Variants in RAP1GDS1 observed in about 807,000 individuals in gnomAD.
RAP1GDS1 encodes Rap1 GTPase-GDP dissociation stimulator 1, also known as RAP1, GTP-GDP dissociation stimulator 1.
RAP1GDS1 carries 35 observed loss-of-function variants against 71.1 expected under a neutral mutation model. The observed-to-expected ratio is 0.49, with a 90% CI of 0.38 to 0.65. The LOEUF (loss-of-function observed/expected upper bound fraction) is 0.65, where lower values mean the gene tolerates loss of function less well. Ranked by LOEUF, RAP1GDS1 falls within the 30% of genes least tolerant of loss-of-function variation. RAP1GDS1 has a pLI of 0.00. For missense variants in RAP1GDS1, 663 were observed against 706.1 expected, an observed-to-expected ratio of 0.94 and a Z score of 0.69; for synonymous variants, 229 against 243.1, an observed-to-expected ratio of 0.94 and a Z score of 0.54.
At chr4:98,379,267 C>A (rs889527036) in intron 5 of RAP1GDS1, 104 bp downstream of exon 5, 3 of 1,110,198 alleles carry the variant, frequency 2.7e-6, no homozygotes, top group Non-Finnish European at 3.6e-6. Context: ...ACAAAGAATT[C>A]GTAAGTGGCA....
At position 98,414,292 on chromosome 4, in the gene RAP1GDS1, T is replaced by C. The variant is rs1166810855; in HGVS notation, c.764-2453T>C. Among the ~76,000 whole-genome samples the C allele has an allele frequency of 6.3e-5, 9 of 143,282 alleles. No individual in the cohort carries two copies. The South Asian group carries it at 1.4e-3, about 22-fold the overall frequency. 94.0% of individuals were successfully genotyped at this position (143,282 alleles called of 152,430 possible). ...GTTTTGGACATGAAGTCCTTGCCCA[T>C]GCCTATGTCCTGAATGGTAATGCCT... On this transcript the variant is annotated intron_variant, in intron 7 of 14. Coordinates refer to ENST00000408927, the MANE Select transcript of RAP1GDS1 (RefSeq NM_001100427.2).
rs574297768 is a variant in RAP1GDS1, at chr4:98,271,275, T to A, written c.4+9706T>A. On this transcript the variant is annotated intron_variant, in intron 1 of 14. Transcript: ENST00000408927. Reference sequence around the variant, plus strand: ...TTTGTATTTAGCAGATTAGTAGACATCTCTACTAATTAAACTCATTGAGTT... The same window carrying A: ...TTTGTATTTAGCAGATTAGTAGACAACTCTACTAATTAAACTCATTGAGTT... 8.5e-5 allele frequency among the ~76,000 whole-genome samples: 13 copies of A among 152,300 alleles called. No individual in the cohort carries two copies. In the South Asian group the frequency reaches 2.7e-3, roughly 32 times the overall value.
At chr4:98,415,505 AG>A (rs1747820046) in intron 7 of RAP1GDS1, among the ~76,000 whole-genome samples, 1 of 152,222 alleles carries the variant, frequency 6.6e-6, no homozygotes, top group Admixed American at 6.5e-5. Context: ...CCACGGTGCC[AG>A]CCAGTCCCAC....
intron 6 of RAP1GDS1, among the ~76,000 whole-genome samples, chr4:98,399,004 A>G (rs139306973): frequency 8.5e-5 from 13 of 152,298 alleles, no homozygotes; most frequent in African/African-American, 3.1e-4. Flanking sequence ...ATTCAAAGCA[A>G]TCTGCAGATT....
intron 2 of RAP1GDS1, among the ~76,000 whole-genome samples, chr4:98,308,538 G>A (rs1190998945): frequency 2.6e-5 from 4 of 151,402 alleles, no homozygotes; most frequent in Admixed American, 6.6e-5. Flanking sequence ...ATTTTTTGCC[G>A]AATTAATGTG....
chr4:98,418,801 A>G lies in RAP1GDS1; in HGVS notation c.1174+10A>G, dbSNP rs1036144121. On this transcript the variant is annotated intron_variant, in intron 10 of 14. Coordinates refer to ENST00000408927, the MANE Select transcript of RAP1GDS1 (RefSeq NM_001100427.2). The stretch of plus-strand genomic sequence containing the variant: ...AACCTGGCCATTCCAGGTAAGACTT[A>G]AGAATAGAAGGCAGCTGTGTACAAA... 3 of 1,581,740 alleles carry G rather than the reference A, an allele frequency of 1.9e-6. No individual in the cohort carries two copies. The highest frequency in any genetic ancestry group is 1.9e-5 in the Admixed American group (1 of 52,874).
chr4:98,414,683 T>A (rs1747648005), intron 7 of RAP1GDS1, among the ~76,000 whole-genome samples: 2 of 151,350 alleles, frequency 1.3e-5, no homozygotes, highest in South Asian at 4.2e-4. Context: ...GGCTTAGGAT[T>A]GACTTGGCGA....
intron 6 of RAP1GDS1, among the ~76,000 whole-genome samples, chr4:98,401,157 C>T (rs1242025695): frequency 6.6e-6 from 1 of 152,172 alleles, no homozygotes; most frequent in Non-Finnish European, 1.5e-5. Flanking sequence ...GGTCAAAAAA[C>T]TGGTGGGATG....
intron 4 of RAP1GDS1, among the ~76,000 whole-genome samples, chr4:98,354,651 T>G (rs1179445120): frequency 6.6e-6 from 1 of 152,192 alleles, no homozygotes; most frequent in Non-Finnish European, 1.5e-5. Context: ...ATTTATCATA[T>G]CTATTTATCT....
At chr4:98,333,243 G>A (rs562827012) in intron 2 of RAP1GDS1, among the ~76,000 whole-genome samples, 11 of 151,850 alleles carry the variant, frequency 7.2e-5, no homozygotes, top group Non-Finnish European at 1.2e-4. Context: ...TCTCAATAGC[G>A]AATACATTTT....
At chr4:98,267,050 A>G (rs897633820) in intron 1 of RAP1GDS1, among the ~76,000 whole-genome samples, 14 of 152,208 alleles carry the variant, frequency 9.2e-5, no homozygotes, top group African/African-American at 3.1e-4. Context: ...GTAATTTTAG[A>G]TAGCCAAATG....
In RAP1GDS1 at chr4:98,417,356, T is replaced by C; in HGVS notation, c.908-11T>C. ...TTCTCTTGCTTAACTATTCGTTTCA[T>C]TTACCTCCAGATGAATCCATGCAGA... On this transcript the variant is annotated splice_polypyrimidine_tract_variant and intron_variant, in intron 8 of 14. Transcript: ENST00000408927. 6.2e-7 allele frequency: 1 copy of C among 1,602,854 alleles called. No homozygotes were observed. Among genetic ancestry groups the C allele is most frequent in the Non-Finnish European group, 8.5e-7 (1 of 1,173,978 alleles).
At chr4:98,306,466 T>C (rs1223187503) in intron 2 of RAP1GDS1, among the ~76,000 whole-genome samples, 1 of 152,202 alleles carries the variant, frequency 6.6e-6, no homozygotes, top group East Asian at 1.9e-4. Flanking sequence ...CCTCACCTCA[T>C]ACTACTGTCA....
At chr4:98,439,908 C>G (rs965648776) in intron 14 of RAP1GDS1, among the ~76,000 whole-genome samples, 1 of 152,156 alleles carries the variant, frequency 6.6e-6, no homozygotes, top group Non-Finnish European at 1.5e-5. Context: ...ATTCACATTG[C>G]TGTGCAATCA....
chr4:98,412,428 T>C (rs1357040024), intron 7 of RAP1GDS1, among the ~76,000 whole-genome samples: 1 of 152,156 alleles, frequency 6.6e-6, no homozygotes, highest in Non-Finnish European at 1.5e-5. Flanking sequence ...GATAGGAGGA[T>C]TGCTTGAGCC....
At chr4:98,318,485 C>T (rs1417643131) in intron 2 of RAP1GDS1, among the ~76,000 whole-genome samples, 1 of 152,176 alleles carries the variant, frequency 6.6e-6, no homozygotes, top group Non-Finnish European at 1.5e-5. Context: ...ACTCGCTCTC[C>T]TCCCCATCTC....
intron 3 of RAP1GDS1, among the ~76,000 whole-genome samples, chr4:98,343,617 G>A (rs561856016): frequency 5.8e-4 from 88 of 152,166 alleles, no homozygotes; most frequent in Admixed American, 1.5e-3. Context: ...GTTTGTTTGT[G>A]TTATACCCAC....
chr4:98,375,842 G>A (rs973376317), intron 4 of RAP1GDS1, among the ~76,000 whole-genome samples: 31 of 152,122 alleles, frequency 2.0e-4, no homozygotes, highest in African/African-American at 7.5e-4. Context: ...CCAAAGTTAG[G>A]ATGCACTGTA....
rs962291589 is a variant in RAP1GDS1, at chr4:98,295,485, A to G, written c.112+1970A>G. ...CACCTGTCATTGGATCACTTACTGT[A>G]TGTTTAGCACTGGGCTGGGGATTAT... is the stretch of plus-strand genomic sequence containing the variant. On this transcript the variant is annotated intron_variant, in intron 2 of 14. Coordinates refer to ENST00000408927, the MANE Select transcript of RAP1GDS1 (RefSeq NM_001100427.2). 3.9e-5 allele frequency among the ~76,000 whole-genome samples: 6 copies of G among 152,078 alleles called. 1 individual carries two copies. The South Asian group carries it at 1.2e-3, about 31-fold the overall frequency.
Sources: allele counts gnomAD v4.1 joint callset (sites outside exome capture counted in the v4.1 genomes callset), GRCh38; gene constraint gnomAD v4.1.1; transcripts MANE v1.5; gene names NCBI Gene and HGNC (gene_info 2026-07-23, HGNC 2026-07-21).